CIROZ: variants seen among roughly 807,000 people sequenced by gnomAD.
CIROZ encodes the protein ciliated left-right organizer ZP-N domains-containing protein.
At chr1:10,978,306 C>T in the CIROZ span, among the ~76,000 whole-genome samples, 14 of 151,470 alleles carry the variant, frequency 9.2e-5, no homozygotes, top group Non-Finnish European at 1.9e-4. Flanking sequence ...ACCTCAGTCT[C>T]CCAAAGTGCT....
At chr1:10,955,004 C>A in the CIROZ span, 2 of 1,603,996 alleles carry the variant, frequency 1.2e-6, no homozygotes, top group Middle Eastern at 2.0e-4. Context: ...ACCTGGAGCA[C>A]CCCGGCCGCC....
chr1:10,958,878 A>G, the CIROZ span: 2 of 897,602 alleles, frequency 2.2e-6, no homozygotes, highest in South Asian at 1.6e-5. Flanking sequence ...GCTGTGCCGC[A>G]GGGTTGTTTG....
At chr1:10,948,371 G>C in the CIROZ span, 2 of 1,613,518 alleles carry the variant, frequency 1.2e-6, no homozygotes, top group East Asian at 4.5e-5. Context: ...CCAATGGCTG[G>C]AACTCCTCAC....
the CIROZ span, among the ~76,000 whole-genome samples, chr1:10,977,937 G>A: frequency 6.6e-6 from 1 of 152,120 alleles, no homozygotes; most frequent in Admixed American, 6.6e-5. Flanking sequence ...TGGAGGCTGA[G>A]GCTGACAGAT....
the CIROZ span, among the ~76,000 whole-genome samples, chr1:10,951,730 T>TAA: frequency 3.3e-3 from 411 of 125,336 alleles, 2 homozygotes; most frequent in Non-Finnish European, 4.1e-3. Flanking sequence ...GTCTCTTATT[T>TAA]AAAAAAAAAA....
the CIROZ span, chr1:10,970,080 G>GA: frequency 6.7e-7 from 1 of 1,490,020 alleles, no homozygotes; most frequent in Non-Finnish European, 8.9e-7. Context: ...TGTCCAACAA[G>GA]AAGATGCTTC....
At chr1:10,949,909 A>C in the CIROZ span, 1 of 1,194,050 alleles carries the variant, frequency 8.4e-7, no homozygotes, top group Non-Finnish European at 1.1e-6. Flanking sequence ...CCTTTTCCAC[A>C]GGTGGGGAAC....
the CIROZ span, among the ~76,000 whole-genome samples, chr1:10,960,270 G>A: frequency 3.3e-5 from 5 of 152,146 alleles, no homozygotes; most frequent in Non-Finnish European, 1.5e-5. This position sits in a 1 kb window ranked among gnomAD's most constrained non-coding sequence, Gnocchi z 4.6. Flanking sequence ...CAGGAGTGGT[G>A]GCAGGCGCCT....
chr1:10,956,346 A>G, the CIROZ span, among the ~76,000 whole-genome samples: 1 of 152,126 alleles, frequency 6.6e-6, no homozygotes. Flanking sequence ...CCCTCAGATC[A>G]CAGAGCCCTG....
chr1:10,966,554 C>A, the CIROZ span: 2 of 1,425,352 alleles, frequency 1.4e-6, no homozygotes, highest in Non-Finnish European at 1.8e-6. Context: ...TCAGAAATAT[C>A]AGACTCGCAG....
chr1:10,947,668 G>A, the CIROZ span: 260 of 1,496,904 alleles, frequency 1.7e-4, no homozygotes, highest in African/African-American at 1.4e-3. Flanking sequence ...GAGGCTCAGC[G>A]TGAGGGCCTC....
the CIROZ span, among the ~76,000 whole-genome samples, chr1:10,953,307 C>T: frequency 1.3e-5 from 2 of 152,320 alleles, no homozygotes; most frequent in African/African-American, 2.4e-5. Flanking sequence ...TGAAAGTGAT[C>T]GACATCGTTT....
At chr1:10,964,945 G>A in the CIROZ span, among the ~76,000 whole-genome samples, 1 of 152,158 alleles carries the variant, frequency 6.6e-6, no homozygotes, top group Non-Finnish European at 1.5e-5. Context: ...CTGGGTTTAT[G>A]AGACATAAAA....
chr1:10,955,249 A>G, the CIROZ span: 2 of 1,479,984 alleles, frequency 1.4e-6, no homozygotes, highest in Admixed American at 1.9e-5. Flanking sequence ...GGACAAATTA[A>G]GTGGTGGTGG....
At chr1:10,959,519 C>T in the CIROZ span, among the ~76,000 whole-genome samples, 2 of 152,206 alleles carry the variant, frequency 1.3e-5, no homozygotes, top group Admixed American at 1.3e-4. This position sits in a 1 kb window ranked among gnomAD's most constrained non-coding sequence, Gnocchi z 4.3. Context: ...TTTGCCTTTG[C>T]GTCAGACTTG....
At chr1:10,966,433 G>A in the CIROZ span, 3 of 1,536,874 alleles carry the variant, frequency 2.0e-6, no homozygotes, top group Admixed American at 2.0e-5. Flanking sequence ...GCAGGAAGTA[G>A]CCACATTTAG....
the CIROZ span, among the ~76,000 whole-genome samples, chr1:10,964,860 G>A: frequency 6.6e-6 from 1 of 152,146 alleles, no homozygotes; most frequent in Non-Finnish European, 1.5e-5. Context: ...TGAACTCCTG[G>A]CCTCAAGTGA....
At chr1:10,980,819 G>A in the CIROZ span, among the ~76,000 whole-genome samples, 1 of 152,210 alleles carries the variant, frequency 6.6e-6, no homozygotes, top group African/African-American at 2.4e-5. Context: ...AGTCTGGGGG[G>A]AGACATGATG....
the CIROZ span, chr1:10,958,871 G>A: frequency 3.2e-6 from 3 of 943,812 alleles, no homozygotes; most frequent in African/African-American, 4.9e-5. Flanking sequence ...TGAGAGAGCT[G>A]TGCCGCAGGG....
Sources: allele counts gnomAD v4.1 joint callset (sites outside exome capture counted in the v4.1 genomes callset), GRCh38; gene constraint gnomAD v4.1.1; non-coding constraint Gnocchi (gnomAD v3.1); transcripts MANE v1.5; gene names NCBI Gene and HGNC (gene_info 2026-07-23, HGNC 2026-07-21).